PEAK1: variants seen among roughly 807,000 people sequenced by gnomAD.
The protein encoded by PEAK1 is inactive tyrosine-protein kinase PEAK1.
PEAK1 carries 54 observed loss-of-function variants against 124.7 expected under a neutral mutation model. That is an observed-to-expected ratio of 0.43 (90% CI 0.35 to 0.54). PEAK1 has a LOEUF of 0.54. Ranked by LOEUF, PEAK1 falls within the 20% of genes least tolerant of loss-of-function variation. The probability of loss-of-function intolerance (pLI) is 0.01; values close to 1 mark genes in which losing one functional copy is unlikely to be tolerated. For synonymous variants in PEAK1, 719 were observed against 760.0 expected (o/e 0.95, Z 0.89); for missense variants, 2,046 against 2,134.5 (o/e 0.96, Z 0.82).
At chr15:77,269,973 G>A (rs1039141056) in intron 5 of PEAK1, among the ~76,000 whole-genome samples, 2 of 152,152 alleles carry the variant, frequency 1.3e-5, no homozygotes, top group African/African-American at 4.8e-5. Flanking sequence ...CCATGTAGTT[G>A]AGCGGTTTTG....
chr15:77,223,857 T>G (rs1478168717), intron 6 of PEAK1, among the ~76,000 whole-genome samples: 3 of 151,662 alleles, frequency 2.0e-5, no homozygotes, highest in Non-Finnish European at 4.4e-5. Flanking sequence ...GAGTTAATTT[T>G]GAAGGAAACC....
At chr15:77,117,813 T>C (rs1215694084) in intron 9 of PEAK1, among the ~76,000 whole-genome samples, 2 of 152,214 alleles carry the variant, frequency 1.3e-5, no homozygotes, top group African/African-American at 4.8e-5. Flanking sequence ...CCTTGTAGTT[T>C]AATATTAGAA....
In PEAK1 at chr15:77,193,803, TAACTAAACTAAACTAAACTA is replaced by T. The variant is rs56866442; in HGVS notation, c.-114-11783_-114-11764del. ...TGGGTGACAGAGTGAGACTCTATCT[TAACTAAACTAAACTAAACTA>T]AACTAAACTAAACTAAACTAAACTA... On this transcript the variant is annotated intron_variant, in intron 6 of 9. Coordinates refer to ENST00000682557, the MANE Select transcript of PEAK1 (RefSeq NM_001385026.1). 2.8e-3 allele frequency among the ~76,000 whole-genome samples: 415 copies of T among 146,180 alleles called. 3 individuals are homozygous for T. The highest frequency in any genetic ancestry group is 5.2e-3 in the South Asian group (23 of 4,452).
At chr15:77,404,824 C>G (rs537933710) in intron 1 of PEAK1, 1 of 959,280 alleles carries the variant, frequency 1.0e-6, no homozygotes, top group South Asian at 4.8e-5. Flanking sequence ...TTCAACTTAT[C>G]GAATGTAACT....
intron 6 of PEAK1, among the ~76,000 whole-genome samples, chr15:77,196,165 A>T (rs1266674084): frequency 6.6e-6 from 1 of 152,152 alleles, no homozygotes; most frequent in Non-Finnish European, 1.5e-5. Context: ...TCTTGATCCA[A>T]CTCCCTTCCT....
intron 6 of PEAK1, among the ~76,000 whole-genome samples, chr15:77,209,117 T>C (rs2058791729): frequency 6.6e-6 from 1 of 152,170 alleles, no homozygotes; most frequent in African/African-American, 2.4e-5. Flanking sequence ...AAAAGTTCTA[T>C]ACAAAGAAAA....
Position 77,335,416 on chromosome 15 carries a change from T to C in PEAK1, c.-603+29747A>G, listed in dbSNP as rs1229958678. ...ATTTAGATGGGTGAAGATAGGAAAC[T>C]TTTTTTTCTGCTATTTTGCCCAATA... is the stretch of plus-strand genomic sequence containing the variant. On this transcript the variant is annotated intron_variant, in intron 2 of 9. Coordinates refer to ENST00000682557, the MANE Select transcript of PEAK1 (RefSeq NM_001385026.1). 10 of 984,858 alleles carry C rather than the reference T, an allele frequency of 1.0e-5. No homozygotes were observed. The East Asian group carries it at 9.1e-4, about 89-fold the overall frequency. The allele number at this position is 984,858 out of a possible 1,614,324, so 61.0% of individuals were successfully genotyped here. A position where few individuals can be genotyped will look rare whatever the true frequency, so the allele number is the denominator to read the frequency against.
intron 2 of PEAK1, chr15:77,331,155 A>C: frequency 2.2e-6 from 1 of 447,504 alleles, no homozygotes; most frequent in Non-Finnish European, 3.0e-6. Flanking sequence ...TTTGAGACGA[A>C]GTCTTGCTCT....
intron 5 of PEAK1, chr15:77,283,647 CTTAT>C (rs1445445724): frequency 6.5e-6 from 1 of 152,776 alleles, no homozygotes; most frequent in Non-Finnish European, 1.5e-5. Context: ...GCTTCCCATG[CTTAT>C]TTATTCATTT....
At chr15:77,164,057 G>A (rs984280420) in intron 7 of PEAK1, among the ~76,000 whole-genome samples, 9 of 152,134 alleles carry the variant, frequency 5.9e-5, no homozygotes, top group South Asian at 2.1e-4. Flanking sequence ...TACTGAAAGG[G>A]AGAAAAAACA....
rs560055607 is a variant in PEAK1, at chr15:77,149,669, T to C, written c.3331+8834A>G. Among the ~76,000 whole-genome samples the C allele has an allele frequency of 4.6e-5, 7 of 152,340 alleles. No homozygotes were observed. The South Asian group carries it at 1.4e-3, about 32-fold the overall frequency. ...TTACCTTTCCAAAGAAGCAACCTTG[T>C]ATCATAATGTATTATACCCTACAGA... On this transcript the variant is annotated intron_variant, in intron 8 of 9. Transcript: ENST00000682557.
chr15:77,129,031 CAAAGAGGTAATTAAGGCTA>C (rs2052621011), intron 9 of PEAK1, among the ~76,000 whole-genome samples: 1 of 152,176 alleles, frequency 6.6e-6, no homozygotes, highest in Non-Finnish European at 1.5e-5. Context: ...ACAGTACCTA[CAAAGAGGTAATTAAGGCTA>C]AATGAGGTCA....
intron 2 of PEAK1, chr15:77,347,767 A>G (rs1347918886): frequency 1.0e-6 from 1 of 982,812 alleles, no homozygotes; most frequent in Non-Finnish European, 1.2e-6. Context: ...TTTTAAAAGA[A>G]AAAAAATTTA....
At chr15:77,285,441 T>C (rs898065640) in intron 3 of PEAK1, among the ~76,000 whole-genome samples, 14 of 152,210 alleles carry the variant, frequency 9.2e-5, no homozygotes, top group Admixed American at 2.0e-4. Context: ...GAAATACATA[T>C]GTCCTCCACC....
chr15:77,372,453 AT>A (rs1224007918), intron 1 of PEAK1, among the ~76,000 whole-genome samples: 2 of 152,176 alleles, frequency 1.3e-5, no homozygotes, highest in African/African-American at 4.8e-5. Flanking sequence ...GTTTTATGTC[AT>A]TAAAAAAACT....
At chr15:77,355,011 C>T (rs1310510140) in intron 2 of PEAK1, among the ~76,000 whole-genome samples, 1 of 151,762 alleles carries the variant, frequency 6.6e-6, no homozygotes, top group Admixed American at 6.6e-5. Flanking sequence ...TGCACTCCAG[C>T]CTGGGCGACA....
At chr15:77,334,599 A>C (rs2066082440) in intron 2 of PEAK1, 1 of 985,232 alleles carries the variant, frequency 1.0e-6, no homozygotes, top group Non-Finnish European at 1.2e-6. Flanking sequence ...TCTAGCATAA[A>C]TGCCTACAAT....
Position 77,348,073 on chromosome 15 carries a change from T to C in PEAK1, c.-603+17090A>G, listed in dbSNP as rs970007880. On this transcript the variant is annotated intron_variant, in intron 2 of 9. Transcript: ENST00000682557. ...TATGCACTTTTCTACAAAAACATTT[T>C]GGTCAGACATTATTCATCTAGAGAA... is the stretch of plus-strand genomic sequence containing the variant. 11 of 984,996 alleles carry C rather than the reference T, an allele frequency of 1.1e-5. No individual in the cohort carries two copies. The African/African-American group carries it at 1.4e-4, about 13-fold the overall frequency. 61.0% of individuals were successfully genotyped at this position (984,996 alleles called of 1,614,324 possible). A position where few individuals can be genotyped will look rare whatever the true frequency, so the allele number is the denominator to read the frequency against.
chr15:77,265,837 C>T (rs1410738052), intron 5 of PEAK1, among the ~76,000 whole-genome samples: 13 of 151,940 alleles, frequency 8.6e-5, no homozygotes, highest in Admixed American at 2.0e-4. Context: ...TTCACAATAG[C>T]AAAGACTTGG....
Sources: allele counts gnomAD v4.1 joint callset (sites outside exome capture counted in the v4.1 genomes callset), GRCh38; gene constraint gnomAD v4.1.1; transcripts MANE v1.5; gene names NCBI Gene and HGNC (gene_info 2026-07-23, HGNC 2026-07-21).